CATSPERT: variants seen among roughly 807,000 people sequenced by gnomAD.
CATSPERT encodes catsper channel auxiliary subunit tau, also known as cation channel sperm-associated targeting subunit tau.
At chr2:201,534,864 C>A in the CATSPERT span, 11 of 725,134 alleles carry the variant, frequency 1.5e-5, no homozygotes, top group African/African-American at 1.9e-5. Flanking sequence ...TATTCTACAT[C>A]TTGCAGATTT....
the CATSPERT span, among the ~76,000 whole-genome samples, chr2:201,587,422 C>T: frequency 1.3e-5 from 2 of 151,968 alleles, no homozygotes; most frequent in Admixed American, 6.6e-5. Flanking sequence ...TGTCTTTCAC[C>T]ATCTTTTTGA....
chr2:201,511,911 TC>T, the CATSPERT span: 1 of 151,204 alleles, frequency 6.6e-6, no homozygotes, highest in South Asian at 2.1e-4. Flanking sequence ...AAGATTGTTT[TC>T]CCACAGAATT....
At chr2:201,604,145 A>ATGTGTGTGTG in the CATSPERT span, among the ~76,000 whole-genome samples, 3 of 148,282 alleles carry the variant, frequency 2.0e-5, no homozygotes, top group East Asian at 3.9e-4. Context: ...GTGTGTGTGT[A>ATGTGTGTGTG]TGTGTGTGTG....
chr2:201,491,098 T>A, the CATSPERT span: 1 of 1,281,392 alleles, frequency 7.8e-7, no homozygotes, highest in Non-Finnish European at 1.1e-6. Context: ...TGGATGCAGA[T>A]ATATACACCC....
the CATSPERT span, among the ~76,000 whole-genome samples, chr2:201,510,948 A>G: frequency 2.6e-5 from 4 of 152,234 alleles, no homozygotes; most frequent in African/African-American, 9.6e-5. Context: ...GTTATCCAAA[A>G]CATATAAAGC....
chr2:201,506,139 C>T, the CATSPERT span, among the ~76,000 whole-genome samples: 4 of 152,136 alleles, frequency 2.6e-5, no homozygotes, highest in Admixed American at 6.5e-5. Flanking sequence ...CGGTGGCAGG[C>T]GCCTGTAGTC....
chr2:201,601,248 T>C, the CATSPERT span, among the ~76,000 whole-genome samples: 1 of 150,998 alleles, frequency 6.6e-6, no homozygotes, highest in Non-Finnish European at 1.5e-5. Context: ...TGCCTCAGTT[T>C]CTTCATCCGT....
the CATSPERT span, among the ~76,000 whole-genome samples, chr2:201,587,466 G>T: frequency 6.6e-6 from 1 of 152,048 alleles, no homozygotes; most frequent in Non-Finnish European, 1.5e-5. Flanking sequence ...AATCTAGGCT[G>T]AATTTCCCCG....
chr2:201,597,137 A>AT, the CATSPERT span, among the ~76,000 whole-genome samples: 1 of 152,142 alleles, frequency 6.6e-6, no homozygotes, highest in Non-Finnish European at 1.5e-5. Context: ...TCGTTAGAGG[A>AT]TGGGTCTATT....
the CATSPERT span, among the ~76,000 whole-genome samples, chr2:201,547,162 G>T: frequency 6.6e-6 from 1 of 152,096 alleles, no homozygotes; most frequent in Non-Finnish European, 1.5e-5. Context: ...AAAGGGTATG[G>T]GGTTGCTTTT....
At chr2:201,602,408 G>C in the CATSPERT span, among the ~76,000 whole-genome samples, 1 of 151,834 alleles carries the variant, frequency 6.6e-6, no homozygotes, top group Non-Finnish European at 1.5e-5. Flanking sequence ...TCATTATACA[G>C]AATTATTTTC....
the CATSPERT span, chr2:201,604,493 CT>C: frequency 3.9e-6 from 2 of 512,722 alleles, no homozygotes; most frequent in Non-Finnish European, 6.6e-6. Context: ...GTTTTTCTGA[CT>C]CATAAAAATG....
chr2:201,551,162 T>C, the CATSPERT span: 1 of 152,368 alleles, frequency 6.6e-6, no homozygotes, highest in African/African-American at 2.4e-5. Context: ...AACTCACAGA[T>C]AAGCTGCATA....
the CATSPERT span, chr2:201,545,638 A>G: frequency 4.9e-6 from 4 of 820,334 alleles, no homozygotes; most frequent in Non-Finnish European, 7.0e-6. Context: ...GCAAAAAAAA[A>G]AAAAAAAAAA....
the CATSPERT span, among the ~76,000 whole-genome samples, chr2:201,579,905 G>C: frequency 6.8e-6 from 1 of 148,030 alleles, no homozygotes; most frequent in African/African-American, 2.5e-5. Context: ...AGGCTGGAGT[G>C]CAGTAGCACG....
the CATSPERT span, among the ~76,000 whole-genome samples, chr2:201,542,729 G>T: frequency 6.6e-6 from 1 of 152,082 alleles, no homozygotes; most frequent in South Asian, 2.1e-4. Context: ...GAGTTGAAAA[G>T]TTTCCTTATA....
chr2:201,522,645 AC>A, the CATSPERT span, among the ~76,000 whole-genome samples: 1 of 152,146 alleles, frequency 6.6e-6, no homozygotes, highest in East Asian at 1.9e-4. Context: ...TGACCCCATG[AC>A]CCCCACAGAC....
At chr2:201,500,887 G>A in the CATSPERT span, among the ~76,000 whole-genome samples, 1 of 152,032 alleles carries the variant, frequency 6.6e-6, no homozygotes, top group East Asian at 1.9e-4. Flanking sequence ...GTAGAATAAA[G>A]CTAGAAATCA....
chr2:201,567,247 CT>C, the CATSPERT span, among the ~76,000 whole-genome samples: 3 of 152,200 alleles, frequency 2.0e-5, no homozygotes, highest in Admixed American at 2.0e-4. Context: ...CTTTCCCCTT[CT>C]GTCATCTTCC....
Sources: gnomAD v4.1 joint callset for allele counts (sites outside exome capture counted in the v4.1 genomes callset) on GRCh38, gnomAD v4.1.1 for gene constraint, MANE v1.5 for transcripts, NCBI Gene and HGNC (gene_info 2026-07-23, HGNC 2026-07-21) for gene names.